The following SPATA6L variants were observed in gnomAD, a reference collection of about 807,000 sequenced individuals.
SPATA6L encodes the protein spermatogenesis associated 6-like protein.
A neutral mutation model predicts 49.2 loss-of-function variants in SPATA6L; 68 were observed. The ratio of observed to expected loss-of-function variants is 1.38; its 90% CI spans 1.14 to 1.69. The LOEUF (loss-of-function observed/expected upper bound fraction) is 1.69, where lower values mean the gene tolerates loss of function less well. SPATA6L is among the 40% of genes most tolerant of loss of function. The pLI, the probability that SPATA6L is intolerant of heterozygous loss-of-function variation, is 0.00. For missense variants in SPATA6L, 668 were observed against 464.3 expected (o/e 1.44, Z -4.03); for synonymous variants, 198 against 165.7 (o/e 1.19, Z -1.50).
Position 4,662,383 on chromosome 9 carries a change from G to T in SPATA6L, c.40-347C>A. 6.6e-7 allele frequency: 1 copy of T among 1,519,812 alleles called. No individual in the cohort carries two copies. The highest frequency in any genetic ancestry group is 8.8e-7 in the Non-Finnish European group (1 of 1,141,386). The allele number at this position is 1,519,812 out of a possible 1,614,324, so 94.1% of individuals were successfully genotyped here. A position where few individuals can be genotyped will look rare whatever the true frequency, so the allele number is the denominator to read the frequency against. On this transcript the variant is annotated intron_variant, in intron 1 of 11. Coordinates refer to ENST00000682582, the MANE Select transcript of SPATA6L (RefSeq NM_001353486.2). The surrounding 1 kb of genome is among the most constrained non-coding windows in gnomAD (Gnocchi z 4.9). ...TCCGGGCCGCCAGCTGCGATGCCAA[G>T]TCCCCGGAGGAGCATGGAGGGACGG...
At chr9:4,659,858 C>G (rs1224200310) in intron 2 of SPATA6L, among the ~76,000 whole-genome samples, 1 of 152,068 alleles carries the variant, frequency 6.6e-6, no homozygotes, top group Non-Finnish European at 1.5e-5. Flanking sequence ...AGAACAGAGG[C>G]CCTCAGAAAT....
intron 13 of SPATA6L, among the ~76,000 whole-genome samples, chr9:4,590,838 C>T (rs1821859247): frequency 6.6e-6 from 1 of 152,190 alleles, no homozygotes; most frequent in South Asian, 2.1e-4. Context: ...CCCCATTTTC[C>T]CTCCAAGAAG....
At chr9:4,630,141 G>C (rs940953547) in intron 4 of SPATA6L, among the ~76,000 whole-genome samples, 2 of 152,054 alleles carry the variant, frequency 1.3e-5, no homozygotes, top group Admixed American at 6.5e-5. Flanking sequence ...TGCTCAGGGT[G>C]AGGGTGAGGA....
intron 6 of SPATA6L, among the ~76,000 whole-genome samples, chr9:4,624,815 A>G (rs1339248489): frequency 1.3e-5 from 2 of 152,108 alleles, no homozygotes; most frequent in Non-Finnish European, 2.9e-5. Flanking sequence ...AAAATCTAAG[A>G]TGACTTTAAT....
chr9:4,612,505 T>C (rs1354508320), intron 9 of SPATA6L, among the ~76,000 whole-genome samples: 1 of 152,224 alleles, frequency 6.6e-6, no homozygotes, highest in Non-Finnish European at 1.5e-5. Context: ...TTCAGTTCAA[T>C]TGTTGAGTTC....
chr9:4,620,015 C>G (rs925467438), intron 7 of SPATA6L, among the ~76,000 whole-genome samples: 2 of 152,166 alleles, frequency 1.3e-5, no homozygotes, highest in Non-Finnish European at 2.9e-5. Flanking sequence ...GCTGATCCCC[C>G]TCCCCACGTC....
At chr9:4,656,151 T>C (rs1036408078) in intron 2 of SPATA6L, 62 bp from the exon 3 acceptor site, 5 of 1,383,126 alleles carry the variant, frequency 3.6e-6, no homozygotes, top group Admixed American at 1.8e-5. Context: ...ATATAGAAAC[T>C]GTAAATGCCA....
Position 4,609,679 on chromosome 9 carries a change from A to G in SPATA6L, c.996-4239T>C, listed in dbSNP as rs1201533074. On this transcript the variant is annotated intron_variant, in intron 9 of 11. Transcript: ENST00000682582. The stretch of plus-strand genomic sequence containing the variant: ...TAAGAGCTATCTGTGACAAACCCAA[A>G]GCCAATATCATACTGAATGGGCAAA... Among the ~76,000 whole-genome samples the G allele has an allele frequency of 7.3e-5, 11 of 151,300 alleles. No homozygotes were observed. The East Asian group carries it at 2.1e-3, about 29-fold the overall frequency.
At chr9:4,591,340 A>T (rs1821887559) in intron 13 of SPATA6L, among the ~76,000 whole-genome samples, 1 of 152,342 alleles carries the variant, frequency 6.6e-6, no homozygotes, top group South Asian at 2.1e-4. Context: ...AGAATAACAA[A>T]AGGCCAGCCA....
At chr9:4,612,402 A>G (rs1303224813) in intron 9 of SPATA6L, among the ~76,000 whole-genome samples, 1 of 151,924 alleles carries the variant, frequency 6.6e-6, no homozygotes, top group Non-Finnish European at 1.5e-5. Context: ...AGCATTTTCT[A>G]CCTTCCATAG....
intron 3 of SPATA6L, among the ~76,000 whole-genome samples, chr9:4,645,100 T>C (rs1013757331): frequency 6.6e-6 from 1 of 152,240 alleles, no homozygotes; most frequent in Admixed American, 6.5e-5. Flanking sequence ...CATATAATTT[T>C]CACATCACTA....
Position 4,605,331 on chromosome 9 carries a change from T to C in SPATA6L, c.1089+16A>G, listed in dbSNP as rs1248412745. ...TATTTAGTGAGCAAAGATCTAGTTTTATAAGAAAGTCTAACCTTGTTTTGG... is the reference window on the plus strand; with the variant it reads ...TATTTAGTGAGCAAAGATCTAGTTTCATAAGAAAGTCTAACCTTGTTTTGG... On this transcript the variant is annotated intron_variant, in intron 10 of 11. Coordinates refer to ENST00000682582, the MANE Select transcript of SPATA6L (RefSeq NM_001353486.2). The C allele has an allele frequency of 1.2e-6, 2 of 1,600,418 alleles. No homozygotes were observed. The highest frequency in any genetic ancestry group is 1.3e-5 in the African/African-American group (1 of 74,684).
intron 3 of SPATA6L, among the ~76,000 whole-genome samples, chr9:4,644,824 C>G (rs1457383555): frequency 6.6e-6 from 1 of 152,134 alleles, no homozygotes; most frequent in Non-Finnish European, 1.5e-5. Context: ...CTCTCACCAG[C>G]TCAGGTCTTA....
chr9:4,637,708 T>C (rs1428662002), intron 3 of SPATA6L, among the ~76,000 whole-genome samples: 1 of 149,204 alleles, frequency 6.7e-6, no homozygotes, highest in Non-Finnish European at 1.5e-5. Flanking sequence ...TGCAGCATCC[T>C]GGATGCTGCC....
At chr9:4,650,291 C>G (rs577325644) in intron 3 of SPATA6L, among the ~76,000 whole-genome samples, 38 of 152,310 alleles carry the variant, frequency 2.5e-4, no homozygotes, top group African/African-American at 8.7e-4. Flanking sequence ...CTGCTATTAT[C>G]TGTGACCTTG....
At chr9:4,659,028 GA>G (rs1342824846) in intron 2 of SPATA6L, among the ~76,000 whole-genome samples, 3 of 151,710 alleles carry the variant, frequency 2.0e-5, no homozygotes, top group Admixed American at 6.6e-5. Context: ...TGGGATGGGG[GA>G]AAGACTGCAC....
intron 4 of SPATA6L, among the ~76,000 whole-genome samples, chr9:4,634,078 T>G (rs1832247411): frequency 6.6e-6 from 1 of 152,174 alleles, no homozygotes; most frequent in Non-Finnish European, 1.5e-5. Context: ...AGATAACACT[T>G]AAGAAAATAT....
intron 9 of SPATA6L, among the ~76,000 whole-genome samples, chr9:4,609,264 G>A: frequency 6.6e-6 from 1 of 151,072 alleles, no homozygotes; most frequent in East Asian, 1.9e-4. Flanking sequence ...CCAATCAATA[G>A]AAAAAGAGGG....
intron 11 of SPATA6L, among the ~76,000 whole-genome samples, chr9:4,603,541 C>T (rs1462539663): frequency 6.6e-6 from 1 of 152,172 alleles, no homozygotes; most frequent in Non-Finnish European, 1.5e-5. Flanking sequence ...TTGTTCAGTG[C>T]ACACACCTAG....
Sources: gnomAD v4.1 joint callset for allele counts (sites outside exome capture counted in the v4.1 genomes callset) on GRCh38, gnomAD v4.1.1 for gene constraint, Gnocchi (gnomAD v3.1) non-coding constraint, MANE v1.5 for transcripts, NCBI Gene and HGNC (gene_info 2026-07-23, HGNC 2026-07-21) for gene names.